DLGAP1: variants seen among roughly 807,000 people sequenced by gnomAD.
DLGAP1 encodes disks large-associated protein 1.
Under a neutral mutation model 90.8 loss-of-function variants are expected in DLGAP1, and 11 were observed. The ratio of observed to expected loss-of-function variants is 0.12; its 90% confidence interval spans 0.08 to 0.20. DLGAP1 has a LOEUF of 0.20. Among genes scored for constraint, DLGAP1 ranks in the 10% least tolerant of loss-of-function variants. The pLI is 1.00. For synonymous variants in DLGAP1, 558 were observed against 540.7 expected (o/e 1.03, Z -0.44); for missense variants, 1,050 against 1,333.8 (o/e 0.79, Z 3.31).
chr18:4,435,503 G>A lies in DLGAP1; in HGVS notation c.-267+19503C>T, dbSNP rs573560422. Among the ~76,000 whole-genome samples the A allele has an allele frequency of 9.9e-5, 15 of 151,968 alleles. No homozygotes were observed. The South Asian group carries it at 3.1e-3, about 32-fold the overall frequency. ...AAACAATATAGAAGGGGGAAGAGAG[G>A]GGAAACGGAAATAGAAAGTTAAAAT... On this transcript the variant is annotated intron_variant, in intron 1 of 12. Coordinates refer to ENST00000315677, the MANE Select transcript of DLGAP1 (RefSeq NM_004746.4).
intron 7 of DLGAP1, among the ~76,000 whole-genome samples, chr18:3,582,833 C>G (rs1210193041): frequency 7.3e-6 from 1 of 137,578 alleles, no homozygotes; most frequent in Non-Finnish European, 1.6e-5. Context: ...TTCCTTCCTT[C>G]TTTCCTCCCT....
At chr18:3,690,517 G>A (rs573527629) in intron 7 of DLGAP1, among the ~76,000 whole-genome samples, 4 of 152,246 alleles carry the variant, frequency 2.6e-5, no homozygotes, top group African/African-American at 9.6e-5. Flanking sequence ...TGGGGCCCTT[G>A]ATTGATTCTG....
chr18:3,595,155 G>A (rs1336914351), intron 7 of DLGAP1, among the ~76,000 whole-genome samples: 3 of 152,226 alleles, frequency 2.0e-5, no homozygotes, highest in Non-Finnish European at 4.4e-5. Flanking sequence ...CTCCAGCCAC[G>A]CAGGAGGAGA....
At chr18:3,912,798 T>C (rs2072064469) in intron 3 of DLGAP1, among the ~76,000 whole-genome samples, 1 of 152,048 alleles carries the variant, frequency 6.6e-6, no homozygotes, top group Admixed American at 6.5e-5. Flanking sequence ...TTCCATGTCT[T>C]TGTTTCCTTG....
chr18:4,229,754 T>C (rs1439159348), intron 1 of DLGAP1, among the ~76,000 whole-genome samples: 1 of 151,704 alleles, frequency 6.6e-6, no homozygotes, highest in Non-Finnish European at 1.5e-5. Context: ...TTTGAGTTAA[T>C]ATACCAAAAG....
intron 1 of DLGAP1, among the ~76,000 whole-genome samples, chr18:4,372,700 G>A (rs2081940807): frequency 6.6e-6 from 1 of 152,170 alleles, no homozygotes; most frequent in Non-Finnish European, 1.5e-5. Context: ...GGTGAGGCGG[G>A]TGGATCACTT....
At chr18:4,228,270 A>G (rs1225672822) in intron 1 of DLGAP1, among the ~76,000 whole-genome samples, 1 of 151,904 alleles carries the variant, frequency 6.6e-6, no homozygotes, top group Non-Finnish European at 1.5e-5. Context: ...GAATGTTACC[A>G]AACATTTAAA....
At chr18:3,582,466 G>A (rs2055577341) in intron 7 of DLGAP1, among the ~76,000 whole-genome samples, 1 of 152,032 alleles carries the variant, frequency 6.6e-6, no homozygotes, top group African/African-American at 2.4e-5. Flanking sequence ...AAAAACACCG[G>A]GAAATATCAA....
chr18:3,756,103 G>A (rs1487717168), intron 5 of DLGAP1, among the ~76,000 whole-genome samples: 1 of 151,832 alleles, frequency 6.6e-6, no homozygotes, highest in African/African-American at 2.4e-5. Context: ...AGACTGGAGT[G>A]CAATGGCACG....
At chr18:4,320,436 T>C (rs1385697644) in intron 1 of DLGAP1, among the ~76,000 whole-genome samples, 1 of 152,174 alleles carries the variant, frequency 6.6e-6, no homozygotes, top group African/African-American at 2.4e-5. Context: ...TCTCATGAGT[T>C]ATAATCTCTT....
At chr18:3,641,693 T>C (rs910335181) in intron 7 of DLGAP1, among the ~76,000 whole-genome samples, 10 of 151,608 alleles carry the variant, frequency 6.6e-5, no homozygotes, top group African/African-American at 2.4e-4. Context: ...TAACAAATAC[T>C]TATATTTCAC....
intron 3 of DLGAP1, among the ~76,000 whole-genome samples, chr18:4,001,869 T>C (rs940810189): frequency 5.9e-5 from 9 of 152,340 alleles, no homozygotes; most frequent in African/African-American, 2.2e-4. Flanking sequence ...TCAGTTGCCC[T>C]TCCCAGAGTG....
intron 1 of DLGAP1, among the ~76,000 whole-genome samples, chr18:4,441,900 C>T (rs1028016297): frequency 1.3e-5 from 2 of 152,218 alleles, no homozygotes; most frequent in African/African-American, 2.4e-5. Flanking sequence ...AATATAGAGC[C>T]TAGCGCTAAC....
At chr18:3,960,719 C>T (rs1053287764) in intron 3 of DLGAP1, among the ~76,000 whole-genome samples, 1 of 152,210 alleles carries the variant, frequency 6.6e-6, no homozygotes, top group Non-Finnish European at 1.5e-5. Context: ...CTGGGGACCA[C>T]ACTTTGAGAA....
At chr18:3,618,704 C>G (rs1333486637) in intron 7 of DLGAP1, among the ~76,000 whole-genome samples, 1 of 150,804 alleles carries the variant, frequency 6.6e-6, no homozygotes. Context: ...TTTGGGAGGC[C>G]GAGACGAGCG....
intron 5 of DLGAP1, among the ~76,000 whole-genome samples, chr18:3,801,863 T>C (rs1227607472): frequency 6.6e-6 from 1 of 152,182 alleles, no homozygotes; most frequent in Non-Finnish European, 1.5e-5. Context: ...CTTCCATACA[T>C]ATATACTCAT....
At position 3,745,272 on chromosome 18, in the gene DLGAP1, T is replaced by C. The variant is rs559894513; in HGVS notation, c.1173-2760A>G. Among the ~76,000 whole-genome samples the C allele has an allele frequency of 3.9e-5, 6 of 152,362 alleles. No individual in the cohort carries two copies. In the East Asian group the frequency reaches 7.7e-4, roughly 20 times the overall value. On this transcript the variant is annotated intron_variant, in intron 5 of 12. Coordinates refer to ENST00000315677, the MANE Select transcript of DLGAP1 (RefSeq NM_004746.4). Reference sequence around the variant, plus strand: ...GATAAAACAGTTCTAAAATTAGTTATAGTGTTGGTTGCACAACTCTGAATA... The same window carrying C: ...GATAAAACAGTTCTAAAATTAGTTACAGTGTTGGTTGCACAACTCTGAATA...
At chr18:3,596,063 G>T (rs1000468695) in intron 7 of DLGAP1, among the ~76,000 whole-genome samples, 1 of 152,180 alleles carries the variant, frequency 6.6e-6, no homozygotes, top group Non-Finnish European at 1.5e-5. Flanking sequence ...AGCTGGTCTA[G>T]CAACACCTCT....
chr18:4,119,825 T>C (rs2076124602), intron 2 of DLGAP1, among the ~76,000 whole-genome samples: 1 of 152,256 alleles, frequency 6.6e-6, no homozygotes, highest in African/African-American at 2.4e-5. Context: ...ATGAAACTTG[T>C]GCTTTTGATA....
Sources: allele counts gnomAD v4.1 joint callset (sites outside exome capture counted in the v4.1 genomes callset), GRCh38; gene constraint gnomAD v4.1.1; transcripts MANE v1.5; gene names NCBI Gene and HGNC (gene_info 2026-07-23, HGNC 2026-07-21).